The following PEMT variants were observed in gnomAD, a reference collection of about 807,000 sequenced individuals.
The protein encoded by PEMT is phospholipid methyltransferase.
In PEMT, 23 loss-of-function variants were observed where a neutral mutation model predicts 27.4. That is an observed-to-expected ratio of 0.84 (90% CI 0.60 to 1.19). The LOEUF (loss-of-function observed/expected upper bound fraction) is 1.19. Among genes scored for constraint, PEMT ranks in the 50% most tolerant of loss-of-function variants. The pLI is 0.00. For synonymous variants in PEMT, 137 were observed against 139.1 expected (o/e 0.98, Z 0.11); for missense variants, 307 against 310.1 (o/e 0.99, Z 0.07).
In PEMT at chr17:17,505,783, C is replaced by G; in HGVS notation, c.*8G>C. On this transcript the variant is annotated 3_prime_UTR_variant, in exon 7 of 7. Transcript: ENST00000255389. ...GGCCAGGCCTTCAGCAAAGCTGTTGCAGCTCAATCAGCTCCTCTTGTGGGA... is the reference window on the plus strand; with the variant it reads ...GGCCAGGCCTTCAGCAAAGCTGTTGGAGCTCAATCAGCTCCTCTTGTGGGA... 1 of 1,607,696 alleles carries G rather than the reference C, an allele frequency of 6.2e-7. No homozygotes were observed. Among genetic ancestry groups the G allele is most frequent in the South Asian group, 1.1e-5 (1 of 89,964 alleles).
intron 2 of PEMT, among the ~76,000 whole-genome samples, chr17:17,540,727 C>T (rs998874855): frequency 2.6e-5 from 4 of 152,188 alleles, no homozygotes; most frequent in African/African-American, 7.2e-5. Context: ...TTCAGAGGGT[C>T]GTGCAGCATG....
rs569532510 is a variant in PEMT, at chr17:17,533,094, T to C, written c.205-10699A>G. Among the ~76,000 whole-genome samples, 5 of 152,204 alleles carry C rather than the reference T, an allele frequency of 3.3e-5. No homozygotes were observed. In the East Asian group the frequency reaches 9.7e-4, roughly 29 times the overall value. On this transcript the variant is annotated intron_variant, in intron 2 of 6. Transcript: ENST00000255389. ...CTTCCTGATTTCAAACTTACCACAA[T>C]GCAACAGTAATCAAGACAGTGTGGC...
At chr17:17,562,793 A>G (rs1199945442) in intron 2 of PEMT, among the ~76,000 whole-genome samples, 2 of 152,028 alleles carry the variant, frequency 1.3e-5, no homozygotes, top group Non-Finnish European at 2.9e-5. Flanking sequence ...TGGGTGACAG[A>G]GCAAGAGTCT....
chr17:17,506,213 C>T lies in PEMT; in HGVS notation c.653+14G>A. The T allele has an allele frequency of 1.3e-6, 2 of 1,549,294 alleles. No homozygotes were observed. On this transcript the variant is annotated intron_variant, in intron 6 of 6. Coordinates refer to ENST00000255389, the MANE Select transcript of PEMT (RefSeq NM_148172.3). ...CGGGCAGCCACGCCCCCACCCGCCG[C>T]AGCCCCTACTCACTCTTCGTATAGG...
At chr17:17,518,310 G>A (rs921619835) in intron 3 of PEMT, among the ~76,000 whole-genome samples, 15 of 152,148 alleles carry the variant, frequency 9.9e-5, no homozygotes, top group African/African-American at 3.6e-4. Flanking sequence ...GGGCTTTCTC[G>A]AGACCAGCCT....
chr17:17,522,496 C>A (rs1907353280), intron 2 of PEMT, 101 bp from the exon 3 acceptor site: 1 of 751,324 alleles, frequency 1.3e-6, no homozygotes, highest in Admixed American at 2.2e-5. Context: ...GCTCCAAAGC[C>A]CCCATTTCCA....
rs751138300 is a variant in PEMT at position 17,547,277 on chromosome 17, C to A, written c.205-24882G>T. Reference sequence around the variant, plus strand: ...AGAGCTCCCGACCCCTCTCCACACACAGATCTGTTCTTCAGGTAGCTATGG... The same window carrying A: ...AGAGCTCCCGACCCCTCTCCACACAAAGATCTGTTCTTCAGGTAGCTATGG... On this transcript the variant is annotated intron_variant, in intron 2 of 6. Coordinates refer to ENST00000255389, the MANE Select transcript of PEMT (RefSeq NM_148172.3). Among the ~76,000 whole-genome samples the A allele has an allele frequency of 3.9e-5, 6 of 152,360 alleles. No individual in the cohort carries two copies. In the South Asian group the frequency reaches 6.2e-4, roughly 16 times the overall value.
chr17:17,559,179 G>A (rs1183235227), intron 2 of PEMT, among the ~76,000 whole-genome samples: 2 of 152,210 alleles, frequency 1.3e-5, no homozygotes, highest in Non-Finnish European at 2.9e-5. Flanking sequence ...TGGCGAGGCT[G>A]GTCCCAGCCC....
chr17:17,571,575 C>T (rs1001182358), intron 2 of PEMT, among the ~76,000 whole-genome samples: 1 of 152,084 alleles, frequency 6.6e-6, no homozygotes, highest in Non-Finnish European at 1.5e-5. Flanking sequence ...CGGGCAGCAC[C>T]CCAGCCCAAT....
In PEMT at chr17:17,505,583, T is replaced by G; in HGVS notation, c.*208A>C. ...AGATGTTGGGGTCAGGGTGCCTTTA[T>G]TGGTGAATGGGAATGTGTGGGTTGG... is the stretch of plus-strand genomic sequence containing the variant. On this transcript the variant is annotated 3_prime_UTR_variant, in exon 7 of 7. Transcript: ENST00000255389. 2.3e-6 allele frequency: 1 copy of G among 439,080 alleles called. No homozygotes were observed. The highest frequency in any genetic ancestry group is 3.9e-6 in the Non-Finnish European group (1 of 254,880). 27.2% of individuals were successfully genotyped at this position (439,080 alleles called of 1,614,324 possible).
chr17:17,515,156 C>T (rs998378507), intron 3 of PEMT, among the ~76,000 whole-genome samples: 3 of 152,178 alleles, frequency 2.0e-5, no homozygotes, highest in Admixed American at 6.5e-5. Flanking sequence ...TGCGGAGACC[C>T]GAGCCAGGCC....
In PEMT at chr17:17,519,818, T is replaced by C. The variant is rs70963017; in HGVS notation, c.320+2462A>G. ...CAGGAAATCAGAACTCAGCAGAGAC[T>C]CAGAGCAGCTCCCGGGGCAGGGCTG... On this transcript the variant is annotated intron_variant, in intron 3 of 6. Transcript: ENST00000255389. Among the ~76,000 whole-genome samples the C allele has an allele frequency of 4.4e-3, 670 of 152,276 alleles. 3 individuals carry two copies. The highest frequency in any genetic ancestry group is 0.014 in the Middle Eastern group (4 of 294).
chr17:17,515,007 G>T (rs1165828793), intron 3 of PEMT, among the ~76,000 whole-genome samples: 1 of 152,226 alleles, frequency 6.6e-6, no homozygotes, highest in Non-Finnish European at 1.5e-5. Flanking sequence ...GCAGGGTTTG[G>T]AATGCACTCT....
chr17:17,573,210 C>T (rs550431868), intron 2 of PEMT, among the ~76,000 whole-genome samples: 2 of 149,918 alleles, frequency 1.3e-5, no homozygotes, highest in South Asian at 2.1e-4. Flanking sequence ...AAAGGCCTGG[C>T]GCGGTGGCTC....
At chr17:17,563,063 T>C (rs1910601547) in intron 2 of PEMT, among the ~76,000 whole-genome samples, 1 of 152,092 alleles carries the variant, frequency 6.6e-6, no homozygotes, top group Non-Finnish European at 1.5e-5. Context: ...ACACTTACCT[T>C]GTGACTAGGA....
intron 2 of PEMT, among the ~76,000 whole-genome samples, chr17:17,548,740 GT>G (rs1287494620): frequency 1.3e-5 from 2 of 152,184 alleles, no homozygotes; most frequent in African/African-American, 2.4e-5. Flanking sequence ...TAGAGATGGG[GT>G]TTCTCCATGT....
chr17:17,506,369 C>T (rs3816512), intron 5 of PEMT, 68 bp from the exon 6 acceptor site: 54,575 of 1,230,692 alleles, frequency 0.044, 2,497 homozygotes, highest in African/African-American at 0.2. Flanking sequence ...CCCACCTGCC[C>T]AGGCTGGCCC....
intron 3 of PEMT, among the ~76,000 whole-genome samples, chr17:17,520,814 T>A (rs1907208408): frequency 6.6e-6 from 1 of 152,132 alleles, no homozygotes. Context: ...GAGCCAGGGG[T>A]CCAGTGCGGA....
At chr17:17,539,750 C>G (rs147216925) in intron 2 of PEMT, among the ~76,000 whole-genome samples, 1 of 152,212 alleles carries the variant, frequency 6.6e-6, no homozygotes, top group Non-Finnish European at 1.5e-5. Flanking sequence ...CACAGAGCCC[C>G]GGGCACAGCC....
Sources: allele counts gnomAD v4.1 joint callset (sites outside exome capture counted in the v4.1 genomes callset), GRCh38; gene constraint gnomAD v4.1.1; transcripts MANE v1.5; gene names NCBI Gene and HGNC (gene_info 2026-07-23, HGNC 2026-07-21).